The following SLCO4C1 variants were observed in gnomAD, a reference collection of about 807,000 sequenced individuals.
SLCO4C1 encodes the protein solute carrier organic anion transporter family member 4C1.
In SLCO4C1, 58 loss-of-function variants were observed where a neutral mutation model predicts 72.1. The ratio of observed to expected loss-of-function variants is 0.80; its 90% CI spans 0.65 to 1.00. The LOEUF (loss-of-function observed/expected upper bound fraction) is 1.00. SLCO4C1 is among the 50% of genes least tolerant of loss of function. The probability of loss-of-function intolerance (pLI) is 0.00; values close to 1 mark genes in which losing one functional copy is unlikely to be tolerated. For missense variants in SLCO4C1, 898 were observed against 857.9 expected, an observed-to-expected ratio of 1.05 and a Z score of -0.58; for synonymous variants, 297 against 312.5, an observed-to-expected ratio of 0.95 and a Z score of 0.52.
intron 1 of SLCO4C1, among the ~76,000 whole-genome samples, chr5:102,295,030 CTCTCCACCTCT>C (rs1489152298): frequency 6.6e-6 from 1 of 152,152 alleles, no homozygotes; most frequent in African/African-American, 2.4e-5. Flanking sequence ...TTCTTGACTC[CTCTCCACCTCT>C]TCTCCACCCT....
At chr5:102,267,176 T>C (rs914535554) in intron 3 of SLCO4C1, among the ~76,000 whole-genome samples, 2 of 152,196 alleles carry the variant, frequency 1.3e-5, no homozygotes, top group East Asian at 1.9e-4. Context: ...TTCAACTATC[T>C]GGAATAGTTT....
At chr5:102,270,410 A>G (rs1196442491) in intron 3 of SLCO4C1, among the ~76,000 whole-genome samples, 1 of 152,180 alleles carries the variant, frequency 6.6e-6, no homozygotes, top group Non-Finnish European at 1.5e-5. Flanking sequence ...GCCTAGAGCA[A>G]GAAATACAGC....
At chr5:102,243,882 C>T (rs771849347) in intron 10 of SLCO4C1, among the ~76,000 whole-genome samples, 4 of 152,042 alleles carry the variant, frequency 2.6e-5, no homozygotes, top group Admixed American at 6.6e-5. Flanking sequence ...ATATATTTTA[C>T]AAAAAGACTG....
chr5:102,236,452 A>C lies in SLCO4C1; in HGVS notation c.*406T>G, dbSNP rs75088245. ...TGACAATGAAAATTAAAATTAAACAAGTTGTAATGGGGATAGAAACAACAT... is the reference window on the plus strand; with the variant it reads ...TGACAATGAAAATTAAAATTAAACACGTTGTAATGGGGATAGAAACAACAT... On this transcript the variant is annotated 3_prime_UTR_variant, in exon 13 of 13. Coordinates refer to ENST00000310954, the MANE Select transcript of SLCO4C1 (RefSeq NM_180991.5). 0.086 allele frequency: 13,214 copies of C among 152,850 alleles called. 617 individuals carry two copies. Among genetic ancestry groups the C allele is most frequent in the African/African-American group, 0.1 (4,361 of 41,548 alleles). 9.5% of individuals were successfully genotyped at this position (152,850 alleles called of 1,614,324 possible).
In SLCO4C1 at chr5:102,296,113, C is replaced by G. The variant is rs760267627; in HGVS notation, c.150G>C (p.Gln50His). 3.7e-5 allele frequency: 59 copies of G among 1,614,036 alleles called. No individual in the cohort carries two copies. The Middle Eastern group carries it at 6.6e-4, about 18-fold the overall frequency. Reference sequence around the variant, plus strand: ...GTGACTTCTGGGGCTCCTGGGGCTTCTGAAGCTCCTGTGGCTGAGAATTCT... The same window carrying G: ...GTGACTTCTGGGGCTCCTGGGGCTTGTGAAGCTCCTGTGGCTGAGAATTCT... ...QRENSQPQEL[Q>H]KPQEPQKSPE... Residue 50 changes from glutamine to histidine, a missense_variant, in exon 1 of 13, where the codon CAG (glutamine) becomes CAC (histidine). Coordinates refer to ENST00000310954, the MANE Select transcript of SLCO4C1 (RefSeq NM_180991.5).
At chr5:102,269,046 G>A (rs539481061) in intron 3 of SLCO4C1, among the ~76,000 whole-genome samples, 1 of 150,516 alleles carries the variant, frequency 6.6e-6, no homozygotes, top group Admixed American at 6.6e-5. Context: ...TCTTTCTAAT[G>A]GGAATTCCTC....
At position 102,237,161 on chromosome 5, in the gene SLCO4C1, C is replaced by T. The variant is rs989282735; in HGVS notation, c.2015-143G>A. ...AGTTCTATGTTTAAAATTTTTGAAA[C>T]ATTAAGGGGAAAGAAAAAACATTTG... is the stretch of plus-strand genomic sequence containing the variant. On this transcript the variant is annotated intron_variant, in intron 12 of 12. Transcript: ENST00000310954. 3 of 852,134 alleles carry T rather than the reference C, an allele frequency of 3.5e-6. No homozygotes were observed. The African/African-American group carries it at 5.2e-5, about 15-fold the overall frequency. The allele number at this position is 852,134 out of a possible 1,614,324, so 52.8% of individuals were successfully genotyped here.
At chr5:102,278,639 T>C (rs936750512) in intron 2 of SLCO4C1, among the ~76,000 whole-genome samples, 1 of 152,164 alleles carries the variant, frequency 6.6e-6, no homozygotes, top group Non-Finnish European at 1.5e-5. Flanking sequence ...CATAGTATGT[T>C]TTCTGACTAC....
intron 2 of SLCO4C1, among the ~76,000 whole-genome samples, chr5:102,283,857 T>TA (rs917270832): frequency 1.3e-5 from 2 of 151,992 alleles, no homozygotes; most frequent in Admixed American, 1.3e-4. Context: ...AAACTTGGGC[T>TA]AAAAAAATGG....
chr5:102,257,879 A>G, intron 7 of SLCO4C1, 64 bp downstream of exon 7: 1 of 1,428,440 alleles, frequency 7.0e-7, no homozygotes, highest in Non-Finnish European at 9.6e-7. Context: ...ATTATACACT[A>G]TCCTCATAAA....
In SLCO4C1 at chr5:102,241,894, G is replaced by A. The variant is rs373765100; in HGVS notation, c.1812-1112C>T. Among the ~76,000 whole-genome samples the A allele has an allele frequency of 3.5e-4, 54 of 152,188 alleles. No individual in the cohort carries two copies. The East Asian group carries it at 6.8e-3, about 19-fold the overall frequency. ...CTTTAACAAGAATCAAAAGTCAGGTGAGCACTTATAATACCTGGTTTGAAC... is the reference window on the plus strand; with the variant it reads ...CTTTAACAAGAATCAAAAGTCAGGTAAGCACTTATAATACCTGGTTTGAAC... On this transcript the variant is annotated intron_variant, in intron 10 of 12. Transcript: ENST00000310954.
intron 5 of SLCO4C1, among the ~76,000 whole-genome samples, chr5:102,260,621 T>G (rs928581680): frequency 3.9e-5 from 6 of 152,060 alleles, no homozygotes; most frequent in Middle Eastern, 3.4e-3. Flanking sequence ...AACATTAAAA[T>G]GAGACAATTT....
At chr5:102,257,009 C>A in intron 8 of SLCO4C1, 106 bp downstream of exon 8, 4 of 955,670 alleles carry the variant, frequency 4.2e-6, no homozygotes, top group Non-Finnish European at 4.3e-6. Flanking sequence ...AAAGGTCTTC[C>A]AAATTTTTAA....
intron 10 of SLCO4C1, among the ~76,000 whole-genome samples, chr5:102,244,131 G>C (rs1748596077): frequency 6.6e-6 from 1 of 152,162 alleles, no homozygotes. Context: ...AGGTTGCAGT[G>C]AGCCAAGATC....
intron 10 of SLCO4C1, among the ~76,000 whole-genome samples, chr5:102,241,516 A>T (rs1389778680): frequency 6.6e-6 from 1 of 152,316 alleles, no homozygotes. Flanking sequence ...TGAAAAAAAA[A>T]TACTTAGGAA....
At chr5:102,275,294 T>A (rs1200231850) in intron 2 of SLCO4C1, among the ~76,000 whole-genome samples, 1 of 151,654 alleles carries the variant, frequency 6.6e-6, no homozygotes, top group East Asian at 1.9e-4. Context: ...AGAGTACAAA[T>A]GAGGAAAGTG....
chr5:102,258,637 G>C (rs1191083179), intron 6 of SLCO4C1, among the ~76,000 whole-genome samples: 1 of 152,088 alleles, frequency 6.6e-6, no homozygotes, highest in Non-Finnish European at 1.5e-5. Context: ...TTTATTGACA[G>C]AGGGTAGTAT....
chr5:102,247,331 G>A lies in SLCO4C1; in HGVS notation c.1732C>T (p.Pro578Ser). 6.3e-7 allele frequency: 1 copy of A among 1,598,334 alleles called. No homozygotes were observed. The highest frequency in any genetic ancestry group is 8.6e-7 in the Non-Finnish European group (1 of 1,168,682). ...GKCETHCAKL[P>S]IFLCIFFIVI... ...ATAAAGAAAATGCAAAGGAATATGG[G>A]CAGTTTCGCACAATGAGTTTCACAT... Residue 578 changes from proline to serine, a missense_variant, in exon 10 of 13, where the codon CCC becomes TCC. Pro to Ser is a moderately conservative substitution (Grantham distance 74, BLOSUM62 -1). Coordinates refer to ENST00000310954, the MANE Select transcript of SLCO4C1 (RefSeq NM_180991.5).
At chr5:102,243,014 G>A (rs1188549148) in intron 10 of SLCO4C1, among the ~76,000 whole-genome samples, 2 of 152,146 alleles carry the variant, frequency 1.3e-5, no homozygotes, top group Admixed American at 6.5e-5. Context: ...TTCATGACAA[G>A]CTGACTTAAA....
Sources: gnomAD v4.1 joint callset for allele counts (sites outside exome capture counted in the v4.1 genomes callset) on GRCh38, gnomAD v4.1.1 for gene constraint, MANE v1.5 for transcripts, NCBI Gene and HGNC (gene_info 2026-07-23, HGNC 2026-07-21) for gene names.